COL3A1: variants seen among roughly 807,000 people sequenced by gnomAD.
COL3A1 encodes the protein collagen alpha-1(III) chain.
COL3A1 carries 46 observed loss-of-function variants against 200.9 expected under a neutral mutation model. The observed-to-expected ratio is 0.23, with a 90% CI of 0.18 to 0.29. COL3A1 has a LOEUF of 0.29. Ranked by LOEUF, COL3A1 falls within the 10% of genes least tolerant of loss-of-function variation. The pLI is 1.00. For synonymous variants in COL3A1, 650 were observed against 628.0 expected (o/e 1.03, Z -0.52); for missense variants, 1,367 against 1,917.6 (o/e 0.71, Z 5.36).
At chr2:188,991,138 T>A (rs940499786) in intron 11 of COL3A1, 81 bp downstream of exon 11, 8 of 1,446,808 alleles carry the variant, frequency 5.5e-6, no homozygotes, top group Non-Finnish European at 7.7e-6. Flanking sequence ...ATTGTGAGCC[T>A]TAACTTGTTT....
At chr2:188,999,411 G>C (rs372040344) in intron 30 of COL3A1, 28 bp downstream of exon 30, 3 of 1,613,646 alleles carry the variant, frequency 1.9e-6, no homozygotes, top group African/African-American at 1.3e-5. Flanking sequence ...CATTCACCTA[G>C]GTTTAAAAAA....
rs553826608 is a variant in COL3A1, at chr2:188,974,800, A to T, written c.79+232A>T. Among the ~76,000 whole-genome samples, 16 of 152,280 alleles carry T rather than the reference A, an allele frequency of 1.1e-4. No individual in the cohort carries two copies. In the South Asian group the frequency reaches 2.9e-3, roughly 28 times the overall value. On this transcript the variant is annotated intron_variant, in intron 1 of 50. Transcript: ENST00000304636. ...GGTTAAGATAAGATGTTCTTGTACT[A>T]ACTTGTTTTCATGTTAAAGGCACTG...
At position 188,999,859 on chromosome 2, in the gene COL3A1, A is replaced by G. The variant is rs1553508706; in HGVS notation, c.2247A>G (p.Pro749=). The part of the protein sequence containing the change: ...PKGDKGEPGG[P]GADGVPGKDG... ...TTTGACAGGGTGAACCAGGCGGTCC[A>G]GGTGCTGATGGTGTCCCAGGGAAAG... The change falls in exon 32 of 51, where the codon CCA becomes CCG. Residue 749 remains proline (P), a synonymous_variant. Transcript: ENST00000304636. The G allele has an allele frequency of 1.9e-6, 3 of 1,595,762 alleles. No homozygotes were observed. Among genetic ancestry groups the G allele is most frequent in the Non-Finnish European group, 2.6e-6 (3 of 1,172,158 alleles).
chr2:188,974,462 CAAAG>C lies in COL3A1; in HGVS notation c.-26_-23del. ...CTGCTTTTCTTTTCTCCTTTTTGCA[CAAAG>C]AGTCTCATGTCTGATATTTAGACAT... On this transcript the variant is annotated 5_prime_UTR_variant, in exon 1 of 51. The change creates a premature stop within an existing upstream ORF in the 5' untranslated region. Transcript: ENST00000304636. The C allele has an allele frequency of 1.9e-6, 3 of 1,585,718 alleles. No homozygotes were observed. Among genetic ancestry groups the C allele is most frequent in the South Asian group, 2.2e-5 (2 of 90,422 alleles).
At chr2:188,976,582 C>T (rs564120369) in intron 1 of COL3A1, among the ~76,000 whole-genome samples, 80 of 152,154 alleles carry the variant, frequency 5.3e-4, no homozygotes, top group African/African-American at 1.9e-3. Flanking sequence ...TCTGAATATA[C>T]AGCACACTGA....
chr2:189,011,413 T>G (rs1204215149), intron 50 of COL3A1, among the ~76,000 whole-genome samples: 1 of 152,210 alleles, frequency 6.6e-6, no homozygotes, highest in Non-Finnish European at 1.5e-5. Flanking sequence ...CCCTGCTGCA[T>G]TTACTAAGAA....
At position 189,002,947 on chromosome 2, in the gene COL3A1, G is replaced by A; in HGVS notation, c.2446-8G>A. 6.5e-7 allele frequency: 1 copy of A among 1,543,862 alleles called. No individual in the cohort carries two copies. The highest frequency in any genetic ancestry group is 1.2e-5 in the South Asian group (1 of 83,876). On this transcript the variant is annotated splice_polypyrimidine_tract_variant and splice_region_variant and intron_variant, in intron 35 of 50. Transcript: ENST00000304636. ...CAGCTGAGAGATTGCTGTTGTTGTT[G>A]CATGTAGGGACAGAATGGTGAACCT...
chr2:188,995,113 G>T lies in COL3A1; in HGVS notation c.1509+14G>T, dbSNP rs753681783. The T allele has an allele frequency of 1.9e-6, 3 of 1,613,468 alleles. No homozygotes were observed. The South Asian group carries it at 3.3e-5, about 18-fold the overall frequency. On this transcript the variant is annotated intron_variant, in intron 21 of 50. Coordinates refer to ENST00000304636, the MANE Select transcript of COL3A1 (RefSeq NM_000090.4). ...CCAGGAGAAAAGGTAGATAACTTTA[G>T]TTTCTATGTTCCTAAATGCTAGCAC...
intron 7 of COL3A1, 110 bp downstream of exon 7, chr2:188,988,753 T>C: frequency 1.3e-6 from 1 of 753,312 alleles, no homozygotes; most frequent in Non-Finnish European, 2.2e-6. Context: ...AAATTTACCC[T>C]TAAGTTTGTA....
chr2:189,010,949 GCAA>G, intron 50 of COL3A1, 59 bp downstream of exon 50: 1 of 1,599,602 alleles, frequency 6.3e-7, no homozygotes, highest in Non-Finnish European at 8.6e-7. Context: ...GTTTAATCAT[GCAA>G]ATTATTTTGA....
In COL3A1 at chr2:189,010,377, T is replaced by C. The variant is rs1041651905; in HGVS notation, c.4011+12T>C. The C allele has an allele frequency of 1.2e-6, 2 of 1,613,714 alleles. No homozygotes were observed. Among genetic ancestry groups the C allele is most frequent in the African/African-American group, 2.7e-5 (2 of 74,906 alleles). The stretch of plus-strand genomic sequence containing the variant: ...ATGGTGGTTTTCAGGTAGGAAAGGA[T>C]ATACCTTTTTTTAAATAAGTCACCT... On this transcript the variant is annotated intron_variant, in intron 49 of 50. Coordinates refer to ENST00000304636, the MANE Select transcript of COL3A1 (RefSeq NM_000090.4).
chr2:189,011,522 C>T (rs887864133), intron 50 of COL3A1, 106 bp from the exon 51 acceptor site: 22 of 1,289,830 alleles, frequency 1.7e-5, no homozygotes, highest in African/African-American at 4.4e-5. Flanking sequence ...TAACATGGCA[C>T]GATGAATGCT....
Position 188,992,335 on chromosome 2 carries a change from A to T in COL3A1, c.996+107A>T. 3.1e-6 allele frequency: 3 copies of T among 958,038 alleles called. No homozygotes were observed. The South Asian group carries it at 4.5e-5, about 14-fold the overall frequency. The allele number at this position is 958,038 out of a possible 1,614,324, so 59.3% of individuals were successfully genotyped here. On this transcript the variant is annotated intron_variant, in intron 14 of 50. Transcript: ENST00000304636. ...TATACTCTTAGGTATATATATATGC[A>T]TATGTATATCTCTAATATACACATT...
At position 189,010,653 on chromosome 2, in the gene COL3A1, C is replaced by T; in HGVS notation, c.4017C>T (p.Ser1339=). The change falls in exon 50 of 51, where the codon AGC becomes AGT. Residue 1339 remains serine (S), a synonymous_variant. Transcript: ENST00000304636. ...TTATTTGTTCCCTATTACAGTTTAG[C>T]TACGGCAATCCTGAACTTCCTGAAG... is the stretch of plus-strand genomic sequence containing the variant. ...GESMDGGFQF[S]YGNPELPEDV... is the part of the protein sequence containing the mutation. 1 of 1,614,164 alleles carries T rather than the reference C, an allele frequency of 6.2e-7. No individual in the cohort carries two copies. The highest frequency in any genetic ancestry group is 8.5e-7 in the Non-Finnish European group (1 of 1,179,992).
chr2:189,006,362 T>A lies in COL3A1; in HGVS notation c.3111T>A (p.Asn1037Lys). The change falls in exon 43 of 51, where the codon AAT (asparagine) becomes AAA (lysine). Residue 1037 changes from asparagine (N) to lysine (K), a missense_variant. Physicochemically the swap from Asn to Lys is moderately conservative, Grantham distance 94. Transcript: ENST00000304636. ...SPGGKGDRGE[N>K]GSPGAPGAPG... The stretch of plus-strand genomic sequence containing the variant: ...GTTCACAGGGTGATCGTGGTGAAAA[T>A]GGCTCTCCTGGTGCCCCTGGCGCTC... The A allele has an allele frequency of 1.2e-6, 2 of 1,614,180 alleles. No individual in the cohort carries two copies. The highest frequency in any genetic ancestry group is 2.2e-5 in the South Asian group (2 of 91,078).
At chr2:188,976,874 A>G (rs1687830461) in intron 1 of COL3A1, among the ~76,000 whole-genome samples, 1 of 152,202 alleles carries the variant, frequency 6.6e-6, no homozygotes, top group Non-Finnish European at 1.5e-5. Context: ...AGTGGCTGAC[A>G]AGCCAGGTTA....
intron 1 of COL3A1, among the ~76,000 whole-genome samples, chr2:188,977,493 T>A (rs1036424012): frequency 3.3e-5 from 5 of 152,110 alleles, no homozygotes; most frequent in African/African-American, 1.2e-4. Context: ...GGTTTGTGTT[T>A]GTCCCTACAA....
At chr2:188,990,439 T>C in intron 10 of COL3A1, 79 bp downstream of exon 10, 1 of 1,098,926 alleles carries the variant, frequency 9.1e-7, no homozygotes, top group Non-Finnish European at 1.4e-6. Context: ...ACTGGACAAT[T>C]ATGTGCCAAA....
intron 27 of COL3A1, 98 bp downstream of exon 27, chr2:188,997,851 C>A: frequency 9.0e-7 from 1 of 1,106,288 alleles, no homozygotes; most frequent in Non-Finnish European, 1.4e-6. Context: ...ACTTGTGATT[C>A]TGTCTTTCAT....
Sources: allele counts gnomAD v4.1 joint callset (sites outside exome capture counted in the v4.1 genomes callset), GRCh38; gene constraint gnomAD v4.1.1; transcripts MANE v1.5; gene names NCBI Gene and HGNC (gene_info 2026-07-23, HGNC 2026-07-21).